TMSB15B: variants seen among roughly 807,000 people sequenced by gnomAD.
The protein encoded by TMSB15B is thymosin beta 15B, also known as thymosin beta-15B.
chrX:103,936,969 G>A (rs2074999762), intron 1 of TMSB15B, among the ~76,000 whole-genome samples: 1 of 111,561 alleles, frequency 9.0e-6, no homozygotes, highest in Non-Finnish European at 1.9e-5. Context: ...TTCTGTTTAC[G>A]TTTATTGATT....
intron 1 of TMSB15B, among the ~76,000 whole-genome samples, chrX:103,929,415 T>A (rs1175947356): frequency 8.9e-6 from 1 of 111,942 alleles, no homozygotes; most frequent in Non-Finnish European, 1.9e-5. Flanking sequence ...GGAACTCCAA[T>A]TTCAAAGAAC....
At chrX:103,919,865 C>G (rs1556317116) in intron 1 of TMSB15B, among the ~76,000 whole-genome samples, 1 of 111,838 alleles carries the variant, frequency 8.9e-6, no homozygotes, top group African/African-American at 3.3e-5. Flanking sequence ...TCTCTAGATG[C>G]TAATTGTTTG....
At chrX:103,928,346 C>T in intron 1 of TMSB15B, 1 of 1,209,531 alleles carries the variant, frequency 8.3e-7, no homozygotes, top group South Asian at 1.8e-5. Flanking sequence ...ATCTACCCTC[C>T]TCTTCTCTCC....
chrX:103,950,460 A>G (rs2075036298), intron 1 of TMSB15B, among the ~76,000 whole-genome samples: 1 of 110,462 alleles, frequency 9.1e-6, no homozygotes, highest in Non-Finnish European at 1.9e-5. Flanking sequence ...TAGAAGGCCT[A>G]AGGGAATGTA....
chrX:103,953,202 C>G (rs1192351079), intron 1 of TMSB15B, among the ~76,000 whole-genome samples: 2 of 111,313 alleles, frequency 1.8e-5, no homozygotes, highest in Non-Finnish European at 1.9e-5. Context: ...ATTTTTGCAA[C>G]CCACAGGTCA....
At chrX:103,940,998 G>T (rs2075011232) in intron 1 of TMSB15B, among the ~76,000 whole-genome samples, 1 of 111,065 alleles carries the variant, frequency 9.0e-6, no homozygotes, top group African/African-American at 3.3e-5. Context: ...CCTGGGTGAG[G>T]CGACACCCCA....
chrX:103,938,162 G>A (rs2075003433), intron 1 of TMSB15B, among the ~76,000 whole-genome samples: 1 of 111,632 alleles, frequency 9.0e-6, no homozygotes, highest in South Asian at 3.8e-4. Flanking sequence ...GTGGAATTCT[G>A]TAGATGTCTA....
chrX:103,928,020 C>T (rs781807933), intron 1 of TMSB15B: 47 of 580,701 alleles, frequency 8.1e-5, no homozygotes, highest in Middle Eastern at 5.8e-4. Context: ...TGCTTGCCAA[C>T]GGAATTAATT....
chrX:103,927,619 T>C (rs2074972098), intron 1 of TMSB15B, among the ~76,000 whole-genome samples: 1 of 109,855 alleles, frequency 9.1e-6, no homozygotes, highest in African/African-American at 3.3e-5. Flanking sequence ...AGCGTTGCAC[T>C]TCAACTGTTA....
Position 103,943,317 on chromosome X carries a change from A to G in TMSB15B, c.-720-18704A>G, listed in dbSNP as rs532440274. 2.7e-5 allele frequency among the ~76,000 whole-genome samples: 3 copies of G among 112,086 alleles called. No individual in the cohort carries two copies. In the South Asian group the frequency reaches 1.1e-3, roughly 42 times the overall value. ...ACGTGACTCTCTCACTCATTACTCT[A>G]TTTCCAGTGCCCAGATTGTCATGCA... On this transcript the variant is annotated intron_variant, in intron 1 of 3. Coordinates refer to the TMSB15B transcript ENST00000419165.
At chrX:103,940,785 G>A (rs1234969821) in intron 1 of TMSB15B, among the ~76,000 whole-genome samples, 1 of 111,742 alleles carries the variant, frequency 8.9e-6, no homozygotes, top group African/African-American at 3.3e-5. Flanking sequence ...GGCTAGCTTG[G>A]TGTCTGCCCA....
intron 1 of TMSB15B, among the ~76,000 whole-genome samples, chrX:103,930,473 C>T (rs1441291915): frequency 9.0e-6 from 1 of 110,670 alleles, no homozygotes; most frequent in African/African-American, 3.3e-5. Context: ...CCCACTAGAC[C>T]GTAAAACTTA....
At chrX:103,952,055 T>C (rs1398427222) in intron 1 of TMSB15B, among the ~76,000 whole-genome samples, 1 of 111,331 alleles carries the variant, frequency 9.0e-6, no homozygotes, top group Non-Finnish European at 1.9e-5. Flanking sequence ...CAGAAGGGGC[T>C]AGTTTGTCAG....
chrX:103,932,408 T>C (rs1556320091), intron 1 of TMSB15B: 2 of 112,078 alleles, frequency 1.8e-5, no homozygotes, highest in African/African-American at 6.5e-5. Flanking sequence ...CATTTGAACA[T>C]GGAAATATTC....
At chrX:103,922,628 C>T (rs1284991581) in intron 1 of TMSB15B, among the ~76,000 whole-genome samples, 2 of 111,092 alleles carry the variant, frequency 1.8e-5, no homozygotes, top group African/African-American at 6.6e-5. Context: ...TGGGTTGGTT[C>T]CAAGTCTTTG....
At chrX:103,953,116 A>G (rs2075042858) in intron 1 of TMSB15B, among the ~76,000 whole-genome samples, 1 of 111,524 alleles carries the variant, frequency 9.0e-6, no homozygotes, top group South Asian at 3.8e-4. Flanking sequence ...GGTGCAACAC[A>G]AAGCCAACGG....
chrX:103,931,222 G>A (rs189935222), intron 1 of TMSB15B: 5 of 111,993 alleles, frequency 4.5e-5, no homozygotes, highest in Non-Finnish European at 9.4e-5. Flanking sequence ...TATGAACACA[G>A]AGTCTGCATA....
At chrX:103,932,659 A>G (rs2074987703) in intron 1 of TMSB15B, 1 of 112,096 alleles carries the variant, frequency 8.9e-6, no homozygotes, top group South Asian at 3.7e-4. Context: ...AATCCTAGGC[A>G]ATACTGTAAA....
intron 1 of TMSB15B, among the ~76,000 whole-genome samples, chrX:103,935,901 C>T (rs2074996558): frequency 1.0e-5 from 1 of 96,297 alleles, no homozygotes; most frequent in African/African-American, 4.0e-5. Flanking sequence ...GGCTGGACTG[C>T]AATGGCGTGA....
Sources: gnomAD v4.1 joint callset for allele counts (sites outside exome capture counted in the v4.1 genomes callset) on GRCh38, gnomAD v4.1.1 for gene constraint, MANE v1.5 for transcripts, NCBI Gene and HGNC (gene_info 2026-07-23, HGNC 2026-07-21) for gene names.